DNM3: variants seen among roughly 807,000 people sequenced by gnomAD.
DNM3 encodes the protein dynamin 3.
A neutral mutation model predicts 101.6 loss-of-function variants in DNM3; 47 were observed. That is an observed-to-expected ratio of 0.46 (90% CI 0.37 to 0.59). The LOEUF is 0.59. Among genes scored for constraint, DNM3 ranks in the 20% least tolerant of loss-of-function variants. The pLI is 0.00. For missense variants in DNM3, 849 were observed against 1,085.7 expected (o/e 0.78, Z 3.06); for synonymous variants, 385 against 387.9 (o/e 0.99, Z 0.09).
intron 1 of DNM3, among the ~76,000 whole-genome samples, chr1:171,849,795 A>T (rs1371415482): frequency 2.0e-5 from 3 of 152,148 alleles, no homozygotes; most frequent in African/African-American, 7.2e-5. Flanking sequence ...TGTTTTGTTT[A>T]CTTTAATTTA....
At chr1:172,365,373 C>T (rs1287170280) in intron 17 of DNM3, among the ~76,000 whole-genome samples, 1 of 151,800 alleles carries the variant, frequency 6.6e-6, no homozygotes, top group Non-Finnish European at 1.5e-5. Context: ...TTGTACTATT[C>T]TTTCTATTCT....
intron 14 of DNM3, among the ~76,000 whole-genome samples, chr1:172,175,782 A>G (rs1223368970): frequency 6.6e-6 from 1 of 151,838 alleles, no homozygotes; most frequent in African/African-American, 2.4e-5. Context: ...TTGACATTTT[A>G]CTATACTTGC....
At chr1:172,179,303 G>A (rs1163041561) in intron 14 of DNM3, among the ~76,000 whole-genome samples, 3 of 151,876 alleles carry the variant, frequency 2.0e-5, no homozygotes, top group African/African-American at 7.2e-5. Flanking sequence ...GACAAAGTTT[G>A]TTACTCCCAC....
intron 20 of DNM3, among the ~76,000 whole-genome samples, chr1:172,395,520 A>G (rs763006999): frequency 2.0e-5 from 3 of 152,172 alleles, no homozygotes; most frequent in Non-Finnish European, 4.4e-5. Flanking sequence ...AGCCAATAAG[A>G]GCCAGGAAAT....
intron 2 of DNM3, among the ~76,000 whole-genome samples, chr1:171,939,832 G>T (rs2041694250): frequency 6.6e-6 from 1 of 152,058 alleles, no homozygotes; most frequent in Non-Finnish European, 1.5e-5. Flanking sequence ...TTCCCCTTGG[G>T]CCTCTAACAA....
At chr1:172,341,037 G>A (rs2066663711) in intron 17 of DNM3, among the ~76,000 whole-genome samples, 1 of 152,106 alleles carries the variant, frequency 6.6e-6, no homozygotes. Flanking sequence ...AGCAACTTCA[G>A]CAAAGTTTCA....
intron 15 of DNM3, among the ~76,000 whole-genome samples, chr1:172,264,744 A>T (rs1404162023): frequency 1.3e-5 from 2 of 152,168 alleles, no homozygotes; most frequent in Non-Finnish European, 2.9e-5. Context: ...CCTTATAGAT[A>T]ATCTCGTCGG....
At chr1:171,999,261 A>G (rs2046215908) in intron 4 of DNM3, among the ~76,000 whole-genome samples, 1 of 152,112 alleles carries the variant, frequency 6.6e-6, no homozygotes, top group Admixed American at 6.6e-5. Context: ...TTCAAGGTAC[A>G]CTGTGAAAGT....
chr1:172,070,333 C>T (rs2052061945), intron 11 of DNM3, among the ~76,000 whole-genome samples: 1 of 152,140 alleles, frequency 6.6e-6, no homozygotes, highest in South Asian at 2.1e-4. Flanking sequence ...GTCTTGGCCC[C>T]TCCTGGGCTG....
intron 20 of DNM3, among the ~76,000 whole-genome samples, chr1:172,400,411 AGAAAGGAGGGAAGGAGGGAAGGGGCAG>A (rs1428305649): frequency 1.6e-4 from 24 of 151,984 alleles, no homozygotes; most frequent in East Asian, 7.7e-4. Flanking sequence ...GGAGATAGGA[AGAAAGGAGGGAAGGAGGGAAGGGGCAG>A]GAAAGGAGGG....
chr1:172,231,685 A>T lies in DNM3; in HGVS notation c.1660-21888A>T, dbSNP rs370517788. On this transcript the variant is annotated intron_variant, in intron 14 of 20. Coordinates refer to ENST00000627582, the MANE Select transcript of DNM3 (RefSeq NM_015569.5). Reference sequence around the variant, plus strand: ...AGTTCGAACCCATGGCAAAGAAATTAAAAACCTTAAAAAAGATTAGGCAAA... The same window carrying T: ...AGTTCGAACCCATGGCAAAGAAATTTAAAACCTTAAAAAAGATTAGGCAAA... 1.4e-3 allele frequency among the ~76,000 whole-genome samples: 213 copies of T among 152,310 alleles called. 1 individual carries two copies. Among genetic ancestry groups the T allele is most frequent in the African/African-American group, 5.0e-3 (206 of 41,572 alleles).
At chr1:172,049,441 C>T (rs2050050667) in intron 10 of DNM3, among the ~76,000 whole-genome samples, 1 of 152,052 alleles carries the variant, frequency 6.6e-6, no homozygotes, top group African/African-American at 2.4e-5. Flanking sequence ...CCATAAATTG[C>T]CATTTTAGCA....
chr1:172,147,796 A>C (rs2148209240), intron 14 of DNM3, among the ~76,000 whole-genome samples: 1 of 152,166 alleles, frequency 6.6e-6, no homozygotes, highest in South Asian at 2.1e-4. Context: ...TATCCATTCC[A>C]ACTTCTTAAT....
chr1:172,009,269 A>G lies in DNM3; in HGVS notation c.589+20121A>G, dbSNP rs150490826. Among the ~76,000 whole-genome samples the G allele has an allele frequency of 7.0e-3, 1,039 of 149,094 alleles. 11 individuals carry two copies. Among genetic ancestry groups the G allele is most frequent in the African/African-American group, 0.024 (973 of 40,866 alleles). ...TCTAACCCTATGCCAATAATGTACT[A>G]TCTTAATTACCATAGCTTTATAGTA... is the stretch of plus-strand genomic sequence containing the variant. On this transcript the variant is annotated intron_variant, in intron 4 of 20. Coordinates refer to ENST00000627582, the MANE Select transcript of DNM3 (RefSeq NM_015569.5).
At chr1:172,215,582 T>G (rs1171854271) in intron 14 of DNM3, among the ~76,000 whole-genome samples, 2 of 151,796 alleles carry the variant, frequency 1.3e-5, no homozygotes, top group Admixed American at 1.3e-4. Context: ...AGAAAAAAAT[T>G]GGAAGATAAA....
chr1:172,244,020 C>G (rs1300291337), intron 14 of DNM3, among the ~76,000 whole-genome samples: 1 of 152,260 alleles, frequency 6.6e-6, no homozygotes, highest in South Asian at 2.1e-4. Context: ...TCCCCCTCCC[C>G]TCACCCCACA....
intron 16 of DNM3, among the ~76,000 whole-genome samples, chr1:172,320,343 T>C (rs1392789893): frequency 1.4e-5 from 2 of 148,082 alleles, no homozygotes; most frequent in African/African-American, 5.0e-5. Flanking sequence ...GTAACTAACC[T>C]GAACATTGTG....
At chr1:172,193,432 A>G (rs1190016208) in intron 14 of DNM3, among the ~76,000 whole-genome samples, 2 of 152,300 alleles carry the variant, frequency 1.3e-5, no homozygotes, top group Admixed American at 1.3e-4. Context: ...TTCAGAAGGA[A>G]TGGAACCAGC....
intron 20 of DNM3, among the ~76,000 whole-genome samples, chr1:172,402,822 C>T (rs532217020): frequency 5.3e-5 from 8 of 152,324 alleles, no homozygotes; most frequent in Admixed American, 1.3e-4. Flanking sequence ...AGTGTTTCTA[C>T]AAGCATTTCT....
Sources: gnomAD v4.1 joint callset for allele counts (sites outside exome capture counted in the v4.1 genomes callset) on GRCh38, gnomAD v4.1.1 for gene constraint, MANE v1.5 for transcripts, NCBI Gene and HGNC (gene_info 2026-07-23, HGNC 2026-07-21) for gene names.